Variants in HDAC4 observed in about 807,000 individuals in gnomAD.
HDAC4 encodes histone deacetylase A.
A neutral mutation model predicts 135.1 loss-of-function variants in HDAC4; 16 were observed. The ratio of observed to expected loss-of-function variants is 0.12; its 90% CI spans 0.08 to 0.18. The LOEUF (loss-of-function observed/expected upper bound fraction) is 0.18. Among genes scored for constraint, HDAC4 ranks in the 10% least tolerant of loss-of-function variants. The probability of loss-of-function intolerance (pLI) is 1.00; values close to 1 mark genes in which losing one functional copy is unlikely to be tolerated. For missense variants in HDAC4, 1,143 were observed against 1,511.8 expected (o/e 0.76, Z 4.05); for synonymous variants, 685 against 653.4 (o/e 1.05, Z -0.74).
At chr2:239,288,175 A>G (rs553825532) in intron 2 of HDAC4, among the ~76,000 whole-genome samples, 8 of 152,354 alleles carry the variant, frequency 5.3e-5, no homozygotes, top group Non-Finnish European at 1.0e-4. Context: ...AAGATTTATC[A>G]CAAACAAGCT....
chr2:239,324,908 G>C (rs901231821), intron 2 of HDAC4, among the ~76,000 whole-genome samples: 1 of 152,336 alleles, frequency 6.6e-6, no homozygotes, highest in Non-Finnish European at 1.5e-5. Context: ...AACAACTGCA[G>C]CTCAGACACT....
intron 7 of HDAC4, among the ~76,000 whole-genome samples, chr2:239,153,309 G>T (rs1474965481): frequency 6.6e-6 from 1 of 152,244 alleles, no homozygotes; most frequent in African/African-American, 2.4e-5. Flanking sequence ...TGGGCAAACT[G>T]TGTGCCGGGT....
intron 2 of HDAC4, among the ~76,000 whole-genome samples, chr2:239,260,631 G>A (rs565756619): frequency 5.6e-4 from 85 of 152,178 alleles, no homozygotes; most frequent in Non-Finnish European, 1.1e-3. Flanking sequence ...CTTCTCTGTG[G>A]CCCTGCTGTG....
intron 3 of HDAC4, among the ~76,000 whole-genome samples, chr2:239,190,556 T>C (rs1353370012): frequency 4.6e-5 from 7 of 152,208 alleles, no homozygotes. Context: ...ACCGTGCCGC[T>C]GTGAGAGCCA....
At chr2:239,088,826 C>G (rs558082224) in intron 18 of HDAC4, among the ~76,000 whole-genome samples, 1 of 152,176 alleles carries the variant, frequency 6.6e-6, no homozygotes, top group Non-Finnish European at 1.5e-5. Flanking sequence ...CCTGCTGGCT[C>G]TCTCACTACT....
intron 1 of HDAC4, among the ~76,000 whole-genome samples, chr2:239,375,279 C>T (rs1264643947): frequency 6.6e-6 from 1 of 152,158 alleles, no homozygotes; most frequent in Non-Finnish European, 1.5e-5. Context: ...CCTGCTTGGT[C>T]TCTCTGCTGT....
At position 239,068,945 on chromosome 2, in the gene HDAC4, T is replaced by G. The variant is rs1391977242; in HGVS notation, c.2751-338A>C. ...CACGGTGCAAGCCAGCAAGCCCCAC[T>G]GCACTTGCTTGGTGAGAGGGAGTCA... On this transcript the variant is annotated intron_variant, in intron 22 of 26. Coordinates refer to ENST00000543185, the MANE Select transcript of HDAC4 (RefSeq NM_001378414.1). The surrounding 1 kb of genome is among the most constrained non-coding windows in gnomAD (Gnocchi z 4.4). 3.2e-3 allele frequency: 211 copies of G among 66,712 alleles called. 1 individual carries two copies. The highest frequency in any genetic ancestry group is 0.012 in the South Asian group (109 of 9,382). 4.1% of individuals were successfully genotyped at this position (66,712 alleles called of 1,614,324 possible).
At chr2:239,278,147 G>A (rs930273595) in intron 2 of HDAC4, among the ~76,000 whole-genome samples, 10 of 151,376 alleles carry the variant, frequency 6.6e-5, no homozygotes, top group Admixed American at 3.3e-4. Flanking sequence ...TGGCTGGAAA[G>A]GGTTGAGTTT....
At chr2:239,168,118 C>G (rs777182927) in intron 5 of HDAC4, among the ~76,000 whole-genome samples, 1 of 152,230 alleles carries the variant, frequency 6.6e-6, no homozygotes, top group Non-Finnish European at 1.5e-5. Flanking sequence ...ACCCCCTTGC[C>G]TCTGAGGAAG....
intron 2 of HDAC4, among the ~76,000 whole-genome samples, chr2:239,346,756 CCT>C (rs538924655): frequency 8.4e-4 from 122 of 145,922 alleles, no homozygotes; most frequent in East Asian, 2.7e-3. Flanking sequence ...ACACACACAC[CCT>C]GTCTAAACAC....
chr2:239,152,633 C>T (rs1048310335), intron 7 of HDAC4, among the ~76,000 whole-genome samples: 1 of 152,200 alleles, frequency 6.6e-6, no homozygotes, highest in South Asian at 2.1e-4. Flanking sequence ...GGAGATGAGC[C>T]CTGAAAAGCC....
chr2:239,122,220 G>A (rs1394167181), intron 12 of HDAC4, among the ~76,000 whole-genome samples: 2 of 152,192 alleles, frequency 1.3e-5, no homozygotes, highest in South Asian at 2.1e-4. Context: ...GAGGCCCTCC[G>A]CTCTGCAGGA....
rs1040559158 is a variant in HDAC4 at position 239,244,454 on chromosome 2, C to T, written c.23-7790G>A. 2.0e-5 allele frequency among the ~76,000 whole-genome samples: 3 copies of T among 152,044 alleles called. No individual in the cohort carries two copies. In the East Asian group the frequency reaches 5.8e-4, roughly 29 times the overall value. On this transcript the variant is annotated intron_variant, in intron 2 of 26. Coordinates refer to ENST00000543185, the MANE Select transcript of HDAC4 (RefSeq NM_001378414.1). ...ACATGCAAACCTTCCCTCCACACGG[C>T]GTGTGAGTCAATGTGGAATGAAGTG...
intron 5 of HDAC4, among the ~76,000 whole-genome samples, chr2:239,169,492 G>A (rs2043318920): frequency 1.3e-5 from 2 of 152,388 alleles, no homozygotes; most frequent in South Asian, 4.1e-4. Context: ...CCCACAGGGT[G>A]GGCCCCGCCC....
intron 2 of HDAC4, among the ~76,000 whole-genome samples, chr2:239,249,404 G>A (rs919468848): frequency 2.0e-5 from 3 of 152,208 alleles, no homozygotes; most frequent in Non-Finnish European, 2.9e-5. Flanking sequence ...TGGACTTGGC[G>A]TGGGTGTGCC....
chr2:239,193,704 G>C (rs1490581797), intron 3 of HDAC4, among the ~76,000 whole-genome samples: 1 of 152,258 alleles, frequency 6.6e-6, no homozygotes, highest in Non-Finnish European at 1.5e-5. Flanking sequence ...AGCAACTCTG[G>C]TGCTGGGGAG....
At chr2:239,177,675 G>A (rs763164268) in intron 4 of HDAC4, among the ~76,000 whole-genome samples, 1 of 152,126 alleles carries the variant, frequency 6.6e-6, no homozygotes, top group Non-Finnish European at 1.5e-5. Flanking sequence ...ATAACAAAAG[G>A]CAGAAGGTAA....
At chr2:239,383,138 G>A (rs1375789558) in intron 1 of HDAC4, among the ~76,000 whole-genome samples, 3 of 152,158 alleles carry the variant, frequency 2.0e-5, no homozygotes, top group African/African-American at 7.2e-5. Context: ...TCCAGTTCAC[G>A]GATCTCACCC....
intron 7 of HDAC4, chr2:239,154,677 G>A (rs1052451543): frequency 6.6e-6 from 1 of 152,120 alleles, no homozygotes; most frequent in Non-Finnish European, 1.5e-5. Flanking sequence ...CCCAGAAAGG[G>A]AACCTGGAGG....
Sources: gnomAD v4.1 joint callset for allele counts (sites outside exome capture counted in the v4.1 genomes callset) on GRCh38, gnomAD v4.1.1 for gene constraint, Gnocchi (gnomAD v3.1) non-coding constraint, MANE v1.5 for transcripts, NCBI Gene and HGNC (gene_info 2026-07-23, HGNC 2026-07-21) for gene names.